FGF5: variants seen among roughly 807,000 people sequenced by gnomAD.
FGF5 encodes fibroblast growth factor 5.
FGF5 carries 23 observed loss-of-function variants against 21.8 expected under a neutral mutation model. The observed-to-expected ratio is 1.05, with a 90% confidence interval of 0.76 to 1.49. FGF5 has a LOEUF of 1.49. Ranked by LOEUF, FGF5 falls within the 40% of genes most tolerant of loss-of-function variation. FGF5 has a pLI of 0.00. For missense variants in FGF5, 352 were observed against 332.9 expected, an observed-to-expected ratio of 1.06 and a Z score of -0.45; for synonymous variants, 158 against 124.0, an observed-to-expected ratio of 1.27 and a Z score of -1.82.
chr4:80,274,065 A>G (rs1394703556), intron 1 of FGF5, among the ~76,000 whole-genome samples: 1 of 152,192 alleles, frequency 6.6e-6, no homozygotes, highest in Non-Finnish European at 1.5e-5. Flanking sequence ...AGGCTTTCTA[A>G]TTAAGTGCAG....
Position 80,287,203 on chromosome 4 carries a change from A to G in FGF5, c.*531A>G, listed in dbSNP as rs960910734. On this transcript the variant is annotated 3_prime_UTR_variant, in exon 3 of 3. Transcript: ENST00000312465. ...CTGTTTATGAATTATAAATGTGTTT[A>G]TAGCTCATTTGTAATATGGAAATCT... is the stretch of plus-strand genomic sequence containing the variant. The G allele has an allele frequency of 6.6e-6, 1 of 152,196 alleles. No homozygotes were observed. The highest frequency in any genetic ancestry group is 1.5e-5 in the Non-Finnish European group (1 of 68,046). 9.4% of individuals were successfully genotyped at this position (152,196 alleles called of 1,614,324 possible). A position where few individuals can be genotyped will look rare whatever the true frequency, so the allele number is the denominator to read the frequency against.
Position 80,267,047 on chromosome 4 carries a change from G to T in FGF5, c.223G>T (p.Glu75Ter). 6.2e-7 allele frequency: 1 copy of T among 1,614,246 alleles called. No homozygotes were observed. The highest frequency in any genetic ancestry group is 8.5e-7 in the Non-Finnish European group (1 of 1,180,044). Residue 75 changes from glutamate to a stop codon, truncating the protein, a stop_gained, in exon 1 of 3, where the codon GAG becomes TAG. Coordinates refer to ENST00000312465, the MANE Select transcript of FGF5 (RefSeq NM_004464.4). LOFTEE classifies it high-confidence loss of function. Reference protein sequence around the residue: ...ASLGSQGSGLEQSSFQWSPSG... With the variant: ...ASLGSQGSGL ...TCTGGGCAGCCAAGGAAGTGGCTTG[G>T]AGCAGAGCAGTTTCCAGTGGAGCCC... is the stretch of plus-strand genomic sequence containing the variant.
rs781595517 is a variant in FGF5, at chr4:80,286,437, C to A, written c.572C>A (p.Ala191Asp). 8.7e-6 allele frequency: 14 copies of A among 1,613,752 alleles called. No homozygotes were observed. The Admixed American group carries it at 2.3e-4, about 27-fold the overall frequency. ...TEKTGREWYV[A>D]LNKRGKAKRG... ...AAAACAGGGCGGGAGTGGTATGTGG[C>A]CCTGAATAAAAGAGGAAAAGCCAAA... The change falls in exon 3 of 3, where the codon GCC becomes GAC. Residue 191 changes from alanine to aspartate, a missense_variant. Ala to Asp is a moderately radical substitution (Grantham distance 126). Transcript: ENST00000312465.
intron 1 of FGF5, among the ~76,000 whole-genome samples, 174 bp from the exon 2 acceptor site, chr4:80,274,735 T>C (rs1720362756): frequency 1.3e-5 from 2 of 152,144 alleles, no homozygotes; most frequent in African/African-American, 4.8e-5. Flanking sequence ...ACTTGAATCC[T>C]AGCCTTCTTT....
chr4:80,275,302 C>T (rs772763070), intron 2 of FGF5, among the ~76,000 whole-genome samples: 2 of 151,772 alleles, frequency 1.3e-5, no homozygotes, highest in East Asian at 1.9e-4. Context: ...AAGTGGCCCA[C>T]GTAAGAAGGA....
intron 1 of FGF5, among the ~76,000 whole-genome samples, chr4:80,271,704 G>T (rs868048313): frequency 5.3e-5 from 8 of 152,088 alleles, no homozygotes; most frequent in African/African-American, 1.7e-4. Flanking sequence ...AGACAAGCTT[G>T]GCCTTCCACA....
At chr4:80,268,497 G>C in intron 1 of FGF5, 1 of 986,072 alleles carries the variant, frequency 1.0e-6, no homozygotes, top group Non-Finnish European at 1.2e-6. Flanking sequence ...CCAGAGGAGC[G>C]TGGACACCAC....
chr4:80,286,836 T>C lies in FGF5; in HGVS notation c.*164T>C. ...GTGACTGAAACAAAATGTTTTTTGA[T>C]AGGAAGGAAACTGGAATTCTTTGTA... On this transcript the variant is annotated 3_prime_UTR_variant, in exon 3 of 3. Coordinates refer to ENST00000312465, the MANE Select transcript of FGF5 (RefSeq NM_004464.4). 1 of 601,286 alleles carries C rather than the reference T, an allele frequency of 1.7e-6. No homozygotes were observed. Among genetic ancestry groups the C allele is most frequent in the Non-Finnish European group, 2.9e-6 (1 of 344,802 alleles). 37.2% of individuals were successfully genotyped at this position (601,286 alleles called of 1,614,324 possible).
Position 80,286,457 on chromosome 4 carries a change from GC to G in FGF5, c.594del (p.Lys199AsnfsTer61). ...WYVALNKRGK[A>X]KRGCSPRVKP... ...TGTGGCCCTGAATAAAAGAGGAAAA[GC>G]CAAACGAGGGTGCAGCCCCCGGGTT... is the stretch of plus-strand genomic sequence containing the variant. On this transcript the variant is annotated frameshift_variant, in exon 3 of 3. Transcript: ENST00000312465. LOFTEE classifies it high-confidence loss of function. 1 of 1,613,996 alleles carries G rather than the reference GC, an allele frequency of 6.2e-7. No individual in the cohort carries two copies. The highest frequency in any genetic ancestry group is 8.5e-7 in the Non-Finnish European group (1 of 1,179,962).
chr4:80,275,022 A>T lies in FGF5; in HGVS notation c.459+10A>T, dbSNP rs1023129248. On this transcript the variant is annotated intron_variant, in intron 2 of 2. Coordinates refer to ENST00000312465, the MANE Select transcript of FGF5 (RefSeq NM_004464.4). ...AAAACTCCATGCAAGTGTAAGTAGA[A>T]CCACTTTATATTTGTTAAAGGTGCT... is the stretch of plus-strand genomic sequence containing the variant. 1.6e-6 allele frequency: 2 copies of T among 1,228,998 alleles called. No homozygotes were observed. The highest frequency in any genetic ancestry group is 1.9e-4 in the Middle Eastern group (1 of 5,294). 76.1% of individuals were successfully genotyped at this position (1,228,998 alleles called of 1,614,324 possible).
At chr4:80,284,986 C>T (rs549886389) in intron 2 of FGF5, among the ~76,000 whole-genome samples, 61 of 152,090 alleles carry the variant, frequency 4.0e-4, no homozygotes, top group Non-Finnish European at 7.5e-4. Flanking sequence ...ATTATGAAAC[C>T]TGGTAGTCTT....
chr4:80,283,319 T>C (rs1020782339), intron 2 of FGF5, among the ~76,000 whole-genome samples: 2 of 151,920 alleles, frequency 1.3e-5, no homozygotes, highest in African/African-American at 4.8e-5. Flanking sequence ...CTTTGAAAAA[T>C]CTGAAGTCCA....
rs541999747 is a variant in FGF5 at position 80,267,242 on chromosome 4, G to T, written c.355+63G>T. On this transcript the variant is annotated intron_variant, in intron 1 of 2. Transcript: ENST00000312465. ...GGCCGCGGAAGATTCGGGAGGGACA[G>T]CAGGTATTCGCCGGGACACAGGCTC... is the stretch of plus-strand genomic sequence containing the variant. 1.6e-4 allele frequency: 211 copies of T among 1,326,006 alleles called. 2 individuals carry two copies. The African/African-American group carries it at 2.7e-3, about 17-fold the overall frequency. 82.1% of individuals were successfully genotyped at this position (1,326,006 alleles called of 1,614,324 possible).
intron 1 of FGF5, among the ~76,000 whole-genome samples, chr4:80,274,686 G>A (rs1720361442): frequency 6.6e-6 from 1 of 152,058 alleles, no homozygotes; most frequent in South Asian, 2.1e-4. Flanking sequence ...TGATGAAGTA[G>A]AATCAAATTT....
At position 80,287,795 on chromosome 4, in the gene FGF5, C is replaced by T. The variant is rs564470377; in HGVS notation, c.*1123C>T. 1 of 152,230 alleles carries T rather than the reference C, an allele frequency of 6.6e-6. No homozygotes were observed. Among genetic ancestry groups the T allele is most frequent in the East Asian group, 1.9e-4 (1 of 5,176 alleles). 9.4% of individuals were successfully genotyped at this position (152,230 alleles called of 1,614,324 possible). ...CCCATTGTCAGAAATATTCTTATTA[C>T]TCAGTCAAACACTCTTTGAGCTTCC... is the stretch of plus-strand genomic sequence containing the variant. On this transcript the variant is annotated 3_prime_UTR_variant, in exon 3 of 3. Transcript: ENST00000312465.
chr4:80,280,337 G>A (rs1720518048), intron 2 of FGF5, among the ~76,000 whole-genome samples: 1 of 152,200 alleles, frequency 6.6e-6, no homozygotes, highest in Non-Finnish European at 1.5e-5. Flanking sequence ...AGGAAATCTG[G>A]ATGTGATTGC....
chr4:80,280,936 A>G (rs1204960564), intron 2 of FGF5, among the ~76,000 whole-genome samples: 1 of 152,100 alleles, frequency 6.6e-6, no homozygotes, highest in Non-Finnish European at 1.5e-5. Flanking sequence ...TCTCTGAGTA[A>G]TTTGAAGGCA....
chr4:80,283,924 T>C (rs1454093549), intron 2 of FGF5, among the ~76,000 whole-genome samples: 3 of 152,234 alleles, frequency 2.0e-5, no homozygotes, highest in African/African-American at 7.2e-5. Flanking sequence ...ATGTTGGGAT[T>C]ATCTAATTAA....
At chr4:80,271,131 A>G (rs983861746) in intron 1 of FGF5, among the ~76,000 whole-genome samples, 4 of 152,202 alleles carry the variant, frequency 2.6e-5, no homozygotes, top group African/African-American at 9.6e-5. Flanking sequence ...GAATACATGG[A>G]ATATCTGTGC....
Sources: allele counts gnomAD v4.1 joint callset (sites outside exome capture counted in the v4.1 genomes callset), GRCh38; gene constraint gnomAD v4.1.1; transcripts MANE v1.5; gene names NCBI Gene and HGNC (gene_info 2026-07-23, HGNC 2026-07-21).